Variants in CDK14 observed in about 807,000 individuals in gnomAD.
CDK14 encodes the protein cyclin-dependent kinase 14.
CDK14 carries 34 observed loss-of-function variants against 60.7 expected under a neutral mutation model. That is an observed-to-expected ratio of 0.56 (90% CI 0.43 to 0.75). CDK14 has a LOEUF of 0.75. CDK14 is among the 30% of genes least tolerant of loss of function. The pLI is 0.00. For missense variants in CDK14, 482 were observed against 564.1 expected, an observed-to-expected ratio of 0.85 and a Z score of 1.47; for synonymous variants, 197 against 203.7, an observed-to-expected ratio of 0.97 and a Z score of 0.28.
intron 2 of CDK14, among the ~76,000 whole-genome samples, chr7:90,685,378 A>G (rs1303979386): frequency 6.6e-6 from 1 of 152,160 alleles, no homozygotes; most frequent in Admixed American, 6.5e-5. Context: ...TAATGTGCTT[A>G]TCATACAGTT....
At chr7:90,762,699 T>C (rs534604984) in intron 4 of CDK14, among the ~76,000 whole-genome samples, 139 of 152,248 alleles carry the variant, frequency 9.1e-4, no homozygotes, top group Admixed American at 1.6e-3. Flanking sequence ...AAAAGATAGC[T>C]GGAAGGCCCG....
At chr7:90,941,269 A>G (rs1793924412) in intron 8 of CDK14, among the ~76,000 whole-genome samples, 1 of 152,166 alleles carries the variant, frequency 6.6e-6, no homozygotes, top group African/African-American at 2.4e-5. Flanking sequence ...TGAAGGACAT[A>G]CTGCATTCTA....
intron 2 of CDK14, among the ~76,000 whole-genome samples, chr7:90,693,571 G>A (rs1487238357): frequency 6.6e-6 from 1 of 152,156 alleles, no homozygotes; most frequent in Non-Finnish European, 1.5e-5. Flanking sequence ...AGTAGAGCGG[G>A]AGAGCAGAAA....
rs1199212410 is a variant in CDK14, at chr7:90,830,397, G to A, written c.545-32778G>A. 2.6e-5 allele frequency among the ~76,000 whole-genome samples: 4 copies of A among 152,212 alleles called. No homozygotes were observed. In the East Asian group the frequency reaches 5.8e-4, roughly 22 times the overall value. On this transcript the variant is annotated intron_variant, in intron 5 of 14. Transcript: ENST00000380050. ...TGGCTGGAGCTGGAATGGCCAGGAT[G>A]CAAGGCACCATGTCCCAAGGCTGCA...
chr7:90,706,803 A>C (rs1801906149), intron 2 of CDK14, among the ~76,000 whole-genome samples: 1 of 152,176 alleles, frequency 6.6e-6, no homozygotes, highest in Non-Finnish European at 1.5e-5. Flanking sequence ...TTGTGCTCAG[A>C]TCCACTTGGT....
intron 6 of CDK14, among the ~76,000 whole-genome samples, chr7:90,874,808 G>A (rs6967513): frequency 0.093 from 14,191 of 151,782 alleles, 792 homozygotes; most frequent in East Asian, 0.18. Context: ...GATTACAGGC[G>A]TGAGCCACCG....
chr7:91,145,937 T>C (rs1800620543), intron 14 of CDK14, among the ~76,000 whole-genome samples: 1 of 151,608 alleles, frequency 6.6e-6, no homozygotes, highest in Non-Finnish European at 1.5e-5. Context: ...TTTATTTATT[T>C]ATTTATTTAT....
chr7:90,701,183 C>T (rs1232921674), intron 2 of CDK14, among the ~76,000 whole-genome samples: 1 of 152,128 alleles, frequency 6.6e-6, no homozygotes, highest in Non-Finnish European at 1.5e-5. Flanking sequence ...CATTTTTTAT[C>T]ACATTTCTTA....
At chr7:90,758,305 G>C (rs919214564) in intron 4 of CDK14, among the ~76,000 whole-genome samples, 1 of 151,560 alleles carries the variant, frequency 6.6e-6, no homozygotes, top group Non-Finnish European at 1.5e-5. Context: ...TTTATGTTTA[G>C]ATGGGGGGTG....
intron 14 of CDK14, among the ~76,000 whole-genome samples, chr7:91,199,063 T>C (rs1802637237): frequency 6.6e-6 from 1 of 152,140 alleles, no homozygotes; most frequent in South Asian, 2.1e-4. Context: ...CTGTAATATA[T>C]AAGGAGGGTT....
chr7:90,790,700 C>T (rs761290227), intron 5 of CDK14, 48 bp downstream of exon 5: 85 of 1,243,772 alleles, frequency 6.8e-5, no homozygotes, highest in South Asian at 6.3e-4. Context: ...CTATGGTCCC[C>T]GTAGCTATTT....
intron 1 of CDK14, among the ~76,000 whole-genome samples, chr7:90,599,326 A>G (rs533531406): frequency 1.3e-5 from 2 of 152,256 alleles, no homozygotes; most frequent in Non-Finnish European, 2.9e-5. Context: ...TTATAGATAG[A>G]AAGCAAGAGA....
At chr7:90,772,977 T>C (rs554805102) in intron 4 of CDK14, among the ~76,000 whole-genome samples, 23 of 152,274 alleles carry the variant, frequency 1.5e-4, no homozygotes, top group African/African-American at 4.6e-4. Flanking sequence ...GTGAAAAATT[T>C]TTCTGTACTG....
intron 6 of CDK14, among the ~76,000 whole-genome samples, chr7:90,878,693 A>G (rs1344986812): frequency 6.6e-6 from 1 of 152,226 alleles, no homozygotes; most frequent in Non-Finnish European, 1.5e-5. Flanking sequence ...GACACATTAC[A>G]CCAGAAAATC....
chr7:90,916,398 C>G (rs981133764), intron 7 of CDK14, among the ~76,000 whole-genome samples: 1 of 152,174 alleles, frequency 6.6e-6, no homozygotes, highest in African/African-American at 2.4e-5. Context: ...GCCTTTACTG[C>G]CCCATACATA....
At chr7:91,113,222 G>A (rs188024416) in intron 13 of CDK14, among the ~76,000 whole-genome samples, 33 of 152,342 alleles carry the variant, frequency 2.2e-4, no homozygotes, top group Middle Eastern at 3.4e-3. Context: ...GCGAGCTGAG[G>A]AGCAGAGTTG....
At chr7:90,984,103 C>A (rs754476405) in intron 9 of CDK14, 45 bp from the exon 10 acceptor site, 2 of 1,220,176 alleles carry the variant, frequency 1.6e-6, no homozygotes, top group South Asian at 1.2e-5. Context: ...TTTTCCTAAG[C>A]AGAATATATT....
At chr7:90,993,773 T>C (rs1442442716) in intron 10 of CDK14, among the ~76,000 whole-genome samples, 1 of 152,216 alleles carries the variant, frequency 6.6e-6, no homozygotes, top group African/African-American at 2.4e-5. Context: ...ATCTGAGACA[T>C]TATTATGGAA....
chr7:90,796,994 C>T (rs1235277904), intron 5 of CDK14, among the ~76,000 whole-genome samples: 4 of 151,706 alleles, frequency 2.6e-5, no homozygotes, highest in Non-Finnish European at 4.4e-5. Flanking sequence ...AGAATCAAAA[C>T]CTACTGATTT....
Sources: gnomAD v4.1 joint callset for allele counts (sites outside exome capture counted in the v4.1 genomes callset) on GRCh38, gnomAD v4.1.1 for gene constraint, MANE v1.5 for transcripts, NCBI Gene and HGNC (gene_info 2026-07-23, HGNC 2026-07-21) for gene names.